Variants in FEM1C observed in about 807,000 individuals in gnomAD.
The protein encoded by FEM1C is fem-1 homolog C, also known as protein fem-1 homolog C.
FEM1C carries 15 observed loss-of-function variants against 37.6 expected under a neutral mutation model. The ratio of observed to expected loss-of-function variants is 0.40; its 90% CI spans 0.27 to 0.61. FEM1C has a LOEUF of 0.61. FEM1C is among the 20% of genes least tolerant of loss of function. The probability of loss-of-function intolerance (pLI) is 0.42; values close to 1 mark genes in which losing one functional copy is unlikely to be tolerated. For missense variants in FEM1C, 532 were observed against 749.7 expected, an observed-to-expected ratio of 0.71 and a Z score of 3.39; for synonymous variants, 287 against 272.8, an observed-to-expected ratio of 1.05 and a Z score of -0.51.
At chr5:115,532,224 C>T (rs1196982892) in intron 2 of FEM1C, among the ~76,000 whole-genome samples, 1 of 152,106 alleles carries the variant, frequency 6.6e-6, no homozygotes, top group Non-Finnish European at 1.5e-5. Flanking sequence ...TACTGCTTCA[C>T]AAATAAGTTC....
At chr5:115,533,057 G>A (rs1438931905) in intron 2 of FEM1C, among the ~76,000 whole-genome samples, 3 of 151,816 alleles carry the variant, frequency 2.0e-5, no homozygotes, top group African/African-American at 7.3e-5. Flanking sequence ...ATAAACAAAT[G>A]ACAAAAAAAT....
intron 2 of FEM1C, 58 bp from the exon 3 acceptor site, chr5:115,525,675 A>AAT (rs1273202939): frequency 1.4e-5 from 18 of 1,298,908 alleles, no homozygotes; most frequent in Non-Finnish European, 1.7e-5. Flanking sequence ...AATATAATGT[A>AAT]ATATATATAT....
At chr5:115,526,319 AAAAC>A (rs1753891266) in intron 2 of FEM1C, among the ~76,000 whole-genome samples, 1 of 152,206 alleles carries the variant, frequency 6.6e-6, no homozygotes, top group African/African-American at 2.4e-5. Flanking sequence ...TCTCGTAAGA[AAAAC>A]AAATCCATGG....
chr5:115,541,914 G>A (rs180866405), intron 2 of FEM1C, among the ~76,000 whole-genome samples: 55 of 152,264 alleles, frequency 3.6e-4, no homozygotes, highest in Admixed American at 3.1e-3. Flanking sequence ...AATAGTGGTT[G>A]TCAGCGCATT....
At chr5:115,533,746 A>C (rs971036638) in intron 2 of FEM1C, among the ~76,000 whole-genome samples, 92 of 151,954 alleles carry the variant, frequency 6.1e-4, no homozygotes, top group African/African-American at 2.1e-3. Context: ...ATAAAACAAC[A>C]CAAAGTTCAA....
intron 2 of FEM1C, among the ~76,000 whole-genome samples, chr5:115,539,787 A>G (rs920674291): frequency 1.4e-4 from 22 of 152,074 alleles, no homozygotes; most frequent in African/African-American, 5.3e-4. Flanking sequence ...CCTAAGTCTA[A>G]CAGCCTGGCA....
chr5:115,536,919 G>A (rs904127966), intron 2 of FEM1C, among the ~76,000 whole-genome samples: 3 of 152,080 alleles, frequency 2.0e-5, no homozygotes, highest in South Asian at 4.1e-4. Flanking sequence ...AATGAGTCTC[G>A]ATGTTAAGTA....
In FEM1C at chr5:115,522,942, TGAGAGAGAGA is replaced by T. The variant is rs373455006; in HGVS notation, c.*1356_*1365del. 1.1e-4 allele frequency: 15 copies of T among 142,408 alleles called. No individual in the cohort carries two copies. Among genetic ancestry groups the T allele is most frequent in the African/African-American group, 3.9e-4 (15 of 38,700 alleles). The allele number at this position is 142,408 out of a possible 1,614,324, so 8.8% of individuals were successfully genotyped here. A position where few individuals can be genotyped will look rare whatever the true frequency, so the allele number is the denominator to read the frequency against. On this transcript the variant is annotated 3_prime_UTR_variant, in exon 3 of 3. Coordinates refer to ENST00000274457, the MANE Select transcript of FEM1C (RefSeq NM_020177.3). The stretch of plus-strand genomic sequence containing the variant: ...ATTAGCAAATCTGTGAGTGAGTGAG[TGAGAGAGAGA>T]GAGAGAGAGAAAGAGAAAGAGAAAG...
At chr5:115,542,901 C>T in intron 2 of FEM1C, 49 bp downstream of exon 2, 1 of 1,564,930 alleles carries the variant, frequency 6.4e-7, no homozygotes. Context: ...TATCAAACTT[C>T]CTGAAAATAA....
At position 115,524,949 on chromosome 5, in the gene FEM1C, T is replaced by C. The variant is rs751315990; in HGVS notation, c.1213A>G (p.Thr405Ala). The C allele has an allele frequency of 1.1e-5, 17 of 1,613,614 alleles. No homozygotes were observed. In the East Asian group the frequency reaches 2.7e-4, roughly 25 times the overall value. ...QDRAKGLLGT[T>A]VTFDDLMGIL... Reference sequence around the variant, plus strand: ...CCCATAAGATCATCAAATGTAACAGTAGTACCCAGCAGGCCTTTAGCCCTA... The same window carrying C: ...CCCATAAGATCATCAAATGTAACAGCAGTACCCAGCAGGCCTTTAGCCCTA... Residue 405 changes from threonine (T) to alanine (A), a missense_variant, in exon 3 of 3, where the codon ACT becomes GCT. Around this residue, in one of 3 missense-constraint regions of FEM1C, gnomAD observed 237 missense variants for 260.5 expected, o/e 0.91. Coordinates refer to ENST00000274457, the MANE Select transcript of FEM1C (RefSeq NM_020177.3).
intron 2 of FEM1C, among the ~76,000 whole-genome samples, chr5:115,529,960 A>G (rs577952492): frequency 2.3e-4 from 35 of 152,208 alleles, no homozygotes; most frequent in Admixed American, 4.6e-4. Flanking sequence ...TAAAAATCAG[A>G]AAAGTACCCA....
chr5:115,538,812 C>T (rs933865319), intron 2 of FEM1C, among the ~76,000 whole-genome samples: 22 of 152,048 alleles, frequency 1.4e-4, no homozygotes, highest in African/African-American at 5.1e-4. Flanking sequence ...TTTCCTTATG[C>T]CATTTCCTAA....
chr5:115,530,957 A>G (rs980937026), intron 2 of FEM1C, among the ~76,000 whole-genome samples: 4 of 151,984 alleles, frequency 2.6e-5, no homozygotes, highest in Non-Finnish European at 5.9e-5. Context: ...AAAAAAAAAA[A>G]TTAATGAAAA....
intron 2 of FEM1C, among the ~76,000 whole-genome samples, chr5:115,534,191 G>A (rs1339672060): frequency 6.6e-6 from 1 of 151,924 alleles, no homozygotes; most frequent in Non-Finnish European, 1.5e-5. Flanking sequence ...ATTAAGGTCA[G>A]GAAACTATGG....
intron 2 of FEM1C, among the ~76,000 whole-genome samples, chr5:115,529,676 T>C (rs944179251): frequency 1.3e-5 from 2 of 152,008 alleles, no homozygotes; most frequent in Admixed American, 1.3e-4. Context: ...GGGCTTGAAA[T>C]ACATACATAG....
intron 2 of FEM1C, among the ~76,000 whole-genome samples, chr5:115,540,179 T>C (rs1228302544): frequency 2.6e-5 from 4 of 152,230 alleles, no homozygotes; most frequent in East Asian, 1.9e-4. Context: ...TTAGTTTCAA[T>C]TGGTTCCTGC....
In FEM1C at chr5:115,525,447, T is replaced by A; in HGVS notation, c.715A>T (p.Thr239Ser). Residue 239 changes from threonine to serine, a missense_variant, in exon 3 of 3, where the codon ACC becomes TCC. By Grantham distance (58) the Thr-to-Ser change is moderately conservative. This residue lies in a region of FEM1C where 221 missense variants were observed against 404.1 expected (regional missense o/e 0.55). Coordinates refer to ENST00000274457, the MANE Select transcript of FEM1C (RefSeq NM_020177.3). Reference protein sequence around the residue: ...IVDFLTHHAQTSKTERINALE... With the variant: ...IVDFLTHHAQSSKTERINALE... ...GCATTAATACGTTCTGTCTTGCTGG[T>A]CTGTGCATGGTGTGTCAGAAAATCC... 2 of 1,613,696 alleles carry A rather than the reference T, an allele frequency of 1.2e-6. No individual in the cohort carries two copies. The highest frequency in any genetic ancestry group is 1.7e-6 in the Non-Finnish European group (2 of 1,179,768).
intron 2 of FEM1C, among the ~76,000 whole-genome samples, chr5:115,531,186 G>A (rs1205321735): frequency 1.3e-5 from 2 of 152,070 alleles, no homozygotes; most frequent in Non-Finnish European, 2.9e-5. Flanking sequence ...TTAAATGCCA[G>A]TCATATTAAA....
Position 115,524,632 on chromosome 5 carries a change from A to G in FEM1C, c.1530T>C (p.Val510=). 1 of 1,586,210 alleles carries G rather than the reference A, an allele frequency of 6.3e-7. No homozygotes were observed. The highest frequency in any genetic ancestry group is 1.2e-5 in the South Asian group (1 of 85,556). ...CACCACATTCTATCAGTATTGCAGT[A>G]ACTTGTAGAGATGGAAATTTACAAA... ...YPVCKFPSLQ[V]TAILIECGAD... The change falls in exon 3 of 3, where the codon GTT becomes GTC. Residue 510 remains valine, a synonymous_variant. Transcript: ENST00000274457.
Sources: gnomAD v4.1 joint callset for allele counts (sites outside exome capture counted in the v4.1 genomes callset) on GRCh38, gnomAD v4.1.1 for gene constraint, gnomAD v4.1.1 regional missense constraint, MANE v1.5 for transcripts, NCBI Gene and HGNC (gene_info 2026-07-23, HGNC 2026-07-21) for gene names.